Variants in CRTC3 observed in about 807,000 individuals in gnomAD.
The protein encoded by CRTC3 is CREB regulated transcription coactivator 3.
A neutral mutation model predicts 74.5 loss-of-function variants in CRTC3; 26 were observed. The observed-to-expected ratio is 0.35, with a 90% CI of 0.26 to 0.48. The LOEUF is 0.48. Among genes scored for constraint, CRTC3 ranks in the 20% least tolerant of loss-of-function variants. The pLI, the probability that CRTC3 is intolerant of heterozygous loss-of-function variation, is 0.99. For missense variants in CRTC3, 760 were observed against 787.3 expected, an observed-to-expected ratio of 0.97 and a Z score of 0.41; for synonymous variants, 377 against 325.8, an observed-to-expected ratio of 1.16 and a Z score of -1.69.
intron 5 of CRTC3, among the ~76,000 whole-genome samples, chr15:90,605,285 A>G (rs1290461448): frequency 1.3e-5 from 2 of 152,070 alleles, no homozygotes; most frequent in East Asian, 3.9e-4. Flanking sequence ...ATGGTGCAAA[A>G]TTTTAAATAT....
intron 2 of CRTC3, among the ~76,000 whole-genome samples, chr15:90,585,881 G>A (rs774419572): frequency 6.6e-6 from 1 of 152,150 alleles, no homozygotes; most frequent in Non-Finnish European, 1.5e-5. Context: ...TCTAACTGCT[G>A]TCCTCTGGGG....
At chr15:90,545,782 G>C (rs1412995649) in intron 2 of CRTC3, among the ~76,000 whole-genome samples, 3 of 152,050 alleles carry the variant, frequency 2.0e-5, no homozygotes, top group East Asian at 1.9e-4. Flanking sequence ...GTTTCACTGT[G>C]TTAGCCAGGA....
intron 2 of CRTC3, among the ~76,000 whole-genome samples, chr15:90,550,982 G>T (rs998970332): frequency 1.1e-4 from 17 of 152,166 alleles, no homozygotes; most frequent in Admixed American, 1.1e-3. Flanking sequence ...TTTTCAGGTT[G>T]TGTAGGGCAG....
chr15:90,580,116 G>A (rs891728865), intron 2 of CRTC3, among the ~76,000 whole-genome samples: 1 of 152,144 alleles, frequency 6.6e-6, no homozygotes, highest in East Asian at 1.9e-4. Context: ...TACCAGGTAA[G>A]GAGACTCTCC....
At chr15:90,596,849 GA>G (rs1235983871) in intron 3 of CRTC3, among the ~76,000 whole-genome samples, 1 of 152,158 alleles carries the variant, frequency 6.6e-6, no homozygotes, top group Non-Finnish European at 1.5e-5. Flanking sequence ...AGAACAAAAG[GA>G]AAAAATCAGA....
At chr15:90,555,812 C>G (rs1487819084) in intron 2 of CRTC3, among the ~76,000 whole-genome samples, 3 of 152,192 alleles carry the variant, frequency 2.0e-5, no homozygotes, top group Non-Finnish European at 4.4e-5. Context: ...GCCACCATGC[C>G]TGGCCTCTTT....
At position 90,626,045 on chromosome 15, in the gene CRTC3, C is replaced by T. The variant is rs182343488; in HGVS notation, c.967+52C>T. ...CTGGTGGCTTAATCATAGGTGGTCC[C>T]CACCCATGTGGCCTGTTCAGTGAAT... On this transcript the variant is annotated intron_variant, in intron 10 of 14. Transcript: ENST00000268184. The T allele has an allele frequency of 1.3e-3, 1,805 of 1,393,042 alleles. 3 individuals are homozygous for T. Among genetic ancestry groups the T allele is most frequent in the Non-Finnish European group, 1.6e-3 (1,606 of 978,940 alleles). The allele number at this position is 1,393,042 out of a possible 1,614,324, so 86.3% of individuals were successfully genotyped here.
At chr15:90,589,482 G>T (rs1282279508) in intron 2 of CRTC3, among the ~76,000 whole-genome samples, 5 of 152,084 alleles carry the variant, frequency 3.3e-5, no homozygotes, top group Non-Finnish European at 7.4e-5. Flanking sequence ...TCGGCCTCCT[G>T]AGTAGCTAGC....
intron 6 of CRTC3, among the ~76,000 whole-genome samples, chr15:90,609,459 T>C (rs1012048619): frequency 6.6e-6 from 1 of 152,196 alleles, no homozygotes; most frequent in Non-Finnish European, 1.5e-5. Context: ...CTAATCTCCA[T>C]GGACCGGGAG....
chr15:90,626,006 T>TA lies in CRTC3; in HGVS notation c.967+13_967+14insA. ...AGAAGCTCCTCTGGTGAGTATCTCC[T>TA]GCTTAGCAGTGACCTGGTGGCTTAA... is the stretch of plus-strand genomic sequence containing the variant. On this transcript the variant is annotated intron_variant, in intron 10 of 14. Coordinates refer to ENST00000268184, the MANE Select transcript of CRTC3 (RefSeq NM_022769.5). The TA allele has an allele frequency of 2.5e-6, 4 of 1,604,076 alleles. No homozygotes were observed. The highest frequency in any genetic ancestry group is 3.4e-6 in the Non-Finnish European group (4 of 1,170,818).
At chr15:90,545,330 T>C in intron 2 of CRTC3, among the ~76,000 whole-genome samples, 1 of 152,184 alleles carries the variant, frequency 6.6e-6, no homozygotes, top group East Asian at 1.9e-4. Flanking sequence ...TCTTCAAGGC[T>C]CTGCTTTCCA....
Position 90,644,774 on chromosome 15 carries a change from C to G in CRTC3, c.*2634C>G, listed in dbSNP as rs748025732. 3 of 232,558 alleles carry G rather than the reference C, an allele frequency of 1.3e-5. No individual in the cohort carries two copies. The highest frequency in any genetic ancestry group is 6.6e-5 in the African/African-American group (3 of 45,310). 14.4% of individuals were successfully genotyped at this position (232,558 alleles called of 1,614,324 possible). On this transcript the variant is annotated 3_prime_UTR_variant, in exon 15 of 15. Transcript: ENST00000268184. Reference sequence around the variant, plus strand: ...ACTCACTGCGGCCTTTGTAACAAAACCAGTTGTGGTCCTCAGCATTTGAAG... The same window carrying G: ...ACTCACTGCGGCCTTTGTAACAAAAGCAGTTGTGGTCCTCAGCATTTGAAG...
chr15:90,602,915 A>G (rs1968112634), intron 4 of CRTC3, among the ~76,000 whole-genome samples: 1 of 152,056 alleles, frequency 6.6e-6, no homozygotes, highest in Admixed American at 6.5e-5. Flanking sequence ...CGGAGGTTGC[A>G]GTGAGCTGAG....
At chr15:90,641,068 C>T (rs756817377) in intron 13 of CRTC3, 29 bp from the exon 14 acceptor site, 1 of 1,464,218 alleles carries the variant, frequency 6.8e-7, no homozygotes, top group South Asian at 1.1e-5. Flanking sequence ...GAGGTGTGGC[C>T]TTCCTCACAT....
At chr15:90,550,725 G>A (rs1966854042) in intron 2 of CRTC3, among the ~76,000 whole-genome samples, 1 of 151,762 alleles carries the variant, frequency 6.6e-6, no homozygotes, top group Non-Finnish European at 1.5e-5. Flanking sequence ...ATATAAAGTA[G>A]CATATAGGTA....
At chr15:90,635,415 C>G (rs746359570) in intron 11 of CRTC3, among the ~76,000 whole-genome samples, 1 of 151,988 alleles carries the variant, frequency 6.6e-6, no homozygotes, top group Non-Finnish European at 1.5e-5. Context: ...GAGGCCGAGG[C>G]GGGTGGATCA....
rs542960170 is a variant in CRTC3 at position 90,561,763 on chromosome 15, G to C, written c.231+21626G>C. Among the ~76,000 whole-genome samples the C allele has an allele frequency of 5.3e-5, 8 of 152,318 alleles. No homozygotes were observed. The South Asian group carries it at 1.7e-3, about 32-fold the overall frequency. On this transcript the variant is annotated intron_variant, in intron 2 of 14. Transcript: ENST00000268184. ...CCTACATGTTTTGGCTGTAGAACCA[G>C]CCAAAGTTTTGTTCCAATTCCCTAC...
At chr15:90,533,416 G>C (rs887698392) in intron 1 of CRTC3, among the ~76,000 whole-genome samples, 3 of 58,720 alleles carry the variant, frequency 5.1e-5, no homozygotes, top group Non-Finnish European at 1.1e-4. Flanking sequence ...GCGAGACTCC[G>C]CCTAGGAAAA....
Position 90,641,129 on chromosome 15 carries a change from G to A in CRTC3, c.1581G>A (p.Leu527=), listed in dbSNP as rs1363275851. The A allele has an allele frequency of 2.5e-6, 4 of 1,613,978 alleles. No individual in the cohort carries two copies. Among genetic ancestry groups the A allele is most frequent in the Non-Finnish European group, 3.4e-6 (4 of 1,179,970 alleles). ...VPLVQQGSRE[L]QDSFHLRPSP... is the part of the protein sequence containing the mutation. ...TGGTGCAACAAGGTTCCCGAGAACT[G>A]CAGGACTCTTTTCATTTGAGACCAA... is the stretch of plus-strand genomic sequence containing the variant. The change falls in exon 14 of 15, where the codon CTG becomes CTA. Residue 527 remains leucine, a synonymous_variant. Transcript: ENST00000268184.
Sources: allele counts gnomAD v4.1 joint callset (sites outside exome capture counted in the v4.1 genomes callset), GRCh38; gene constraint gnomAD v4.1.1; transcripts MANE v1.5; gene names NCBI Gene and HGNC (gene_info 2026-07-23, HGNC 2026-07-21).